LANCL1: variants seen among roughly 807,000 people sequenced by gnomAD.
The protein encoded by LANCL1 is LanC like glutathione S-transferase 1.
Under a neutral mutation model 50.6 loss-of-function variants are expected in LANCL1, and 50 were observed. The observed-to-expected ratio is 0.99, with a 90% CI of 0.79 to 1.25. The LOEUF is 1.25. LANCL1 is among the 50% of genes most tolerant of loss of function. The probability of loss-of-function intolerance (pLI) is 0.00; values close to 1 mark genes in which losing one functional copy is unlikely to be tolerated. For missense variants in LANCL1, 532 were observed against 480.7 expected, an observed-to-expected ratio of 1.11 and a Z score of -1.00; for synonymous variants, 188 against 178.6, an observed-to-expected ratio of 1.05 and a Z score of -0.42.
rs547256768 is a variant in LANCL1 at position 210,455,843 on chromosome 2, A to G, written c.200-529T>C. Among the ~76,000 whole-genome samples the G allele has an allele frequency of 9.4e-5, 14 of 148,916 alleles. 1 individual carries two copies. In the South Asian group the frequency reaches 2.1e-3, roughly 22 times the overall value. On this transcript the variant is annotated intron_variant, in intron 3 of 9. Coordinates refer to ENST00000450366, the MANE Select transcript of LANCL1 (RefSeq NM_006055.3). ...TTTTTTTTTTGTGAAAAGGTAGTTA[A>G]TGTAACCAAATCCCCTGCCCCAGTA... is the stretch of plus-strand genomic sequence containing the variant.
rs1205988439 is a variant in LANCL1 at position 210,431,470 on chromosome 2, A to G, written c.*3017T>C. ...TGAGGTGCTCTTACTTAGCGGAAGC[A>G]GAAATGAAATTGGAATTCAGTGTAA... On this transcript the variant is annotated 3_prime_UTR_variant, in exon 10 of 10. Coordinates refer to ENST00000450366, the MANE Select transcript of LANCL1 (RefSeq NM_006055.3). 6.6e-6 allele frequency: 1 copy of G among 152,262 alleles called. No homozygotes were observed. Among genetic ancestry groups the G allele is most frequent in the Non-Finnish European group, 1.5e-5 (1 of 68,050 alleles). 9.4% of individuals were successfully genotyped at this position (152,262 alleles called of 1,614,324 possible). A position where few individuals can be genotyped will look rare whatever the true frequency, so the allele number is the denominator to read the frequency against.
chr2:210,454,731 C>T (rs1396167069), intron 4 of LANCL1, among the ~76,000 whole-genome samples: 2 of 152,118 alleles, frequency 1.3e-5, no homozygotes, highest in African/African-American at 2.4e-5. Context: ...TAAGAAAGGC[C>T]GTTTTGAATC....
At chr2:210,476,992 T>C (rs1053488471), upstream of LANCL1, among the ~76,000 whole-genome samples, 1 of 151,824 alleles carries the variant, frequency 6.6e-6, no homozygotes, top group African/African-American at 2.4e-5. Flanking sequence ...AAGTCCAGAG[T>C]CATAAGAAGT....
intron 3 of LANCL1, among the ~76,000 whole-genome samples, chr2:210,471,171 T>C (rs1452016321): frequency 1.3e-5 from 2 of 150,820 alleles, no homozygotes; most frequent in Non-Finnish European, 3.0e-5. Context: ...CTCAGCCTCC[T>C]GAGTAGCTGG....
intron 2 of LANCL1, among the ~76,000 whole-genome samples, chr2:210,474,739 A>AAAATAAATAAAT (rs78940796): frequency 0.23 from 33,399 of 147,868 alleles, 4,202 homozygotes; most frequent in Middle Eastern, 0.33. Flanking sequence ...AATAAAAATA[A>AAAATAAATAAAT]AAATAAATAA....
At chr2:210,477,189 A>T (rs1694414522), upstream of LANCL1, among the ~76,000 whole-genome samples, 1 of 152,206 alleles carries the variant, frequency 6.6e-6, no homozygotes, top group South Asian at 2.1e-4. Flanking sequence ...CATTAACAAC[A>T]ACAACAACAA....
chr2:210,438,158 G>C (rs1260492635), intron 6 of LANCL1, among the ~76,000 whole-genome samples: 41 of 144,588 alleles, frequency 2.8e-4, no homozygotes, highest in Non-Finnish European at 4.2e-4. Context: ...TTTTGAGATG[G>C]AGTTTCACTC....
chr2:210,444,254 C>G (rs1207125943), intron 4 of LANCL1, among the ~76,000 whole-genome samples: 2 of 152,116 alleles, frequency 1.3e-5, no homozygotes, highest in Non-Finnish European at 2.9e-5. Flanking sequence ...ATTGTTACCA[C>G]CAGGCTATAG....
intron 3 of LANCL1, among the ~76,000 whole-genome samples, chr2:210,456,593 A>C (rs756663515): frequency 7.9e-5 from 12 of 151,712 alleles, no homozygotes; most frequent in African/African-American, 1.9e-4. Flanking sequence ...AAAAAAAAAA[A>C]CCCTTTTCAC....
At position 210,457,500 on chromosome 2, in the gene LANCL1, G is replaced by C. The variant is rs190026572; in HGVS notation, c.200-2186C>G. On this transcript the variant is annotated intron_variant, in intron 3 of 9. Transcript: ENST00000450366. ...GTGGGAAATAAAAACACAACTTCAC[G>C]GGCTTTGCAGGGAAAATTCACCCAG... is the stretch of plus-strand genomic sequence containing the variant. Among the ~76,000 whole-genome samples the C allele has an allele frequency of 3.9e-4, 59 of 152,242 alleles. No homozygotes were observed. In the East Asian group the frequency reaches 0.011, roughly 27 times the overall value.
At chr2:210,464,469 A>AAT (rs869113545) in intron 3 of LANCL1, among the ~76,000 whole-genome samples, 35 of 103,710 alleles carry the variant, frequency 3.4e-4, no homozygotes, top group African/African-American at 9.7e-4. Flanking sequence ...CAGATTTAAA[A>AAT]ATATATATAT....
At chr2:210,470,517 T>G in intron 3 of LANCL1, among the ~76,000 whole-genome samples, 1 of 152,308 alleles carries the variant, frequency 6.6e-6, no homozygotes, top group African/African-American at 2.4e-5. Flanking sequence ...TATTGAAATA[T>G]TTGGCTTATA....
chr2:210,476,294 G>C (rs1427259363), intron 2 of LANCL1, 22 bp downstream of exon 2: 8 of 1,578,176 alleles, frequency 5.1e-6, no homozygotes, highest in Non-Finnish European at 7.0e-6. Flanking sequence ...CAGGGATGCA[G>C]GCAGACATAT....
chr2:210,432,755 C>T lies in LANCL1; in HGVS notation c.*1732G>A, dbSNP rs906912537. ...TGCTGTGCACTACTTTTACTTCTTA[C>T]TGTAAGTGCTGATATCGCTGATTGA... On this transcript the variant is annotated 3_prime_UTR_variant, in exon 10 of 10. Coordinates refer to ENST00000450366, the MANE Select transcript of LANCL1 (RefSeq NM_006055.3). 6.6e-6 allele frequency: 1 copy of T among 152,134 alleles called. No individual in the cohort carries two copies. Among genetic ancestry groups the T allele is most frequent in the East Asian group, 1.9e-4 (1 of 5,192 alleles). 9.4% of individuals were successfully genotyped at this position (152,134 alleles called of 1,614,324 possible). A position where few individuals can be genotyped will look rare whatever the true frequency, so the allele number is the denominator to read the frequency against.
chr2:210,461,615 C>T (rs1383176292), intron 3 of LANCL1, among the ~76,000 whole-genome samples: 4 of 152,166 alleles, frequency 2.6e-5, no homozygotes, highest in Admixed American at 1.3e-4. Context: ...GCTACATATC[C>T]TCTTGTTTAA....
intron 3 of LANCL1, among the ~76,000 whole-genome samples, chr2:210,462,906 A>G (rs1693907155): frequency 6.6e-6 from 1 of 152,232 alleles, no homozygotes; most frequent in African/African-American, 2.4e-5. Flanking sequence ...AGCCACTTCT[A>G]TGAAGTTTGT....
intron 3 of LANCL1, among the ~76,000 whole-genome samples, chr2:210,461,458 A>G (rs1431585534): frequency 6.6e-6 from 1 of 152,152 alleles, no homozygotes; most frequent in Non-Finnish European, 1.5e-5. Flanking sequence ...ACTCCTTTCA[A>G]GTAAGTCTGG....
intron 4 of LANCL1, among the ~76,000 whole-genome samples, chr2:210,450,727 A>C (rs1693488214): frequency 6.6e-6 from 1 of 152,254 alleles, no homozygotes; most frequent in Admixed American, 6.5e-5. Flanking sequence ...AGATATGAAA[A>C]AAAGCTCATC....
At chr2:210,450,869 T>C (rs760931487) in intron 4 of LANCL1, among the ~76,000 whole-genome samples, 5 of 152,230 alleles carry the variant, frequency 3.3e-5, no homozygotes, top group Non-Finnish European at 1.5e-5. Context: ...GTAATGCTTT[T>C]ACACTGTTGG....
Sources: allele counts gnomAD v4.1 joint callset (sites outside exome capture counted in the v4.1 genomes callset), GRCh38; gene constraint gnomAD v4.1.1; transcripts MANE v1.5; gene names NCBI Gene and HGNC (gene_info 2026-07-23, HGNC 2026-07-21).